SNX24: variants seen among roughly 807,000 people sequenced by gnomAD.
The protein encoded by SNX24 is sorting nexin 24, also known as sorting nexin-24.
A neutral mutation model predicts 28.7 loss-of-function variants in SNX24; 22 were observed. The observed-to-expected ratio is 0.77, with a 90% CI of 0.55 to 1.10. The LOEUF is 1.10. Ranked by LOEUF, SNX24 falls within the 50% of genes least tolerant of loss-of-function variation. The pLI is 0.00. For synonymous variants in SNX24, 69 were observed against 71.5 expected (o/e 0.96, Z 0.18); for missense variants, 221 against 201.1 (o/e 1.10, Z -0.60).
chr5:122,919,641 CAT>C, intron 1 of SNX24, among the ~76,000 whole-genome samples: 1 of 151,740 alleles, frequency 6.6e-6, no homozygotes, highest in South Asian at 2.1e-4. Context: ...GGATTTTTTA[CAT>C]GTTAGGAAAA....
chr5:122,885,370 C>T (rs1756659331), intron 1 of SNX24, among the ~76,000 whole-genome samples: 2 of 152,214 alleles, frequency 1.3e-5, no homozygotes, highest in African/African-American at 2.4e-5. Context: ...TTCAATGCCC[C>T]AGGCCCCTCC....
intron 2 of SNX24, among the ~76,000 whole-genome samples, chr5:122,938,456 T>A (rs1331153371): frequency 1.3e-5 from 2 of 152,220 alleles, no homozygotes; most frequent in Non-Finnish European, 2.9e-5. Flanking sequence ...TTTTGAATAT[T>A]GTTGGCAGCC....
At chr5:122,847,682 C>T (rs1303140760) in intron 1 of SNX24, among the ~76,000 whole-genome samples, 2 of 151,912 alleles carry the variant, frequency 1.3e-5, no homozygotes, top group African/African-American at 4.8e-5. Flanking sequence ...TTTGTAGAGA[C>T]AGGGTTTCTC....
rs536983736 is a variant in SNX24 at position 122,912,682 on chromosome 5, T to C, written c.61-24052T>C. On this transcript the variant is annotated intron_variant, in intron 1 of 6. Transcript: ENST00000261369. ...TATTGAGAGGTTTTAGCATGAAGCGTTGTTGAATTTTGTCAAAGGCCTTTT... is the reference window on the plus strand; with the variant it reads ...TATTGAGAGGTTTTAGCATGAAGCGCTGTTGAATTTTGTCAAAGGCCTTTT... 1.7e-4 allele frequency among the ~76,000 whole-genome samples: 26 copies of C among 152,094 alleles called. No homozygotes were observed. The South Asian group carries it at 4.8e-3, about 28-fold the overall frequency.
chr5:123,017,676 G>A (rs994100311), intron 5 of SNX24, among the ~76,000 whole-genome samples: 1 of 152,024 alleles, frequency 6.6e-6, no homozygotes, highest in Non-Finnish European at 1.5e-5. Flanking sequence ...TGAATTGTAG[G>A]GGGTGGGTCT....
chr5:123,025,889 G>A (rs758752556), intron 5 of SNX24: 1 of 1,614,020 alleles, frequency 6.2e-7, no homozygotes, highest in Non-Finnish European at 8.5e-7. Context: ...GCCCAGCGTT[G>A]GCCATGCTGA....
chr5:122,970,706 G>A (rs999195553), intron 3 of SNX24, among the ~76,000 whole-genome samples: 3 of 152,166 alleles, frequency 2.0e-5, no homozygotes, highest in Non-Finnish European at 2.9e-5. Context: ...CTGACCTCGT[G>A]ATCCGCCCGT....
intron 5 of SNX24, among the ~76,000 whole-genome samples, chr5:123,025,393 T>A (rs1406193656): frequency 2.6e-5 from 4 of 152,230 alleles, no homozygotes; most frequent in Admixed American, 6.5e-5. Context: ...ATAAATGAAG[T>A]CATATAGTAT....
chr5:122,933,177 G>C (rs924582972), intron 1 of SNX24, among the ~76,000 whole-genome samples: 3 of 152,170 alleles, frequency 2.0e-5, no homozygotes, highest in Admixed American at 1.3e-4. Context: ...TTTTAATCTA[G>C]TTCATTTTCC....
chr5:123,018,344 C>T (rs758025529), intron 5 of SNX24, among the ~76,000 whole-genome samples: 5 of 152,002 alleles, frequency 3.3e-5, no homozygotes, highest in African/African-American at 4.8e-5. Context: ...GCAGAGGCAC[C>T]GGAAGCAGGC....
chr5:122,938,939 C>CA (rs1033177759), intron 2 of SNX24, among the ~76,000 whole-genome samples: 117 of 1,440 alleles, frequency 0.081, 43 homozygotes, highest in Non-Finnish European at 0.098. Flanking sequence ...GACTCCGTCT[C>CA]AAAAAAAAAA....
At chr5:123,002,219 A>C in intron 6 of SNX24, 2 of 572,850 alleles carry the variant, frequency 3.5e-6, no homozygotes, top group East Asian at 5.6e-5. Flanking sequence ...TTACCAGACT[A>C]TTTTGAATTA....
intron 1 of SNX24, among the ~76,000 whole-genome samples, chr5:122,930,444 A>G (rs1758901047): frequency 2.0e-5 from 3 of 152,328 alleles, no homozygotes; most frequent in Admixed American, 6.5e-5. Flanking sequence ...GGCAATTAGC[A>G]TGTCAGAGAA....
chr5:122,982,725 G>A (rs1278121041), intron 3 of SNX24, among the ~76,000 whole-genome samples: 1 of 152,072 alleles, frequency 6.6e-6, no homozygotes, highest in East Asian at 1.9e-4. Flanking sequence ...AAAGGGGGAG[G>A]GGTTTGCTTT....
At chr5:122,856,542 T>C (rs1030252743) in intron 1 of SNX24, among the ~76,000 whole-genome samples, 2 of 151,622 alleles carry the variant, frequency 1.3e-5, no homozygotes, top group Non-Finnish European at 2.9e-5. Context: ...TTTTTTTTTT[T>C]TGAGGCAGAG....
intron 5 of SNX24, among the ~76,000 whole-genome samples, chr5:123,001,729 T>G (rs381007): frequency 3.2e-4 from 49 of 152,216 alleles, no homozygotes; most frequent in Non-Finnish European, 7.1e-4. Context: ...GATTGTATAT[T>G]TGCTTCAAAT....
chr5:122,865,909 G>A (rs1755699161), intron 1 of SNX24, among the ~76,000 whole-genome samples: 1 of 152,116 alleles, frequency 6.6e-6, no homozygotes, highest in South Asian at 2.1e-4. Flanking sequence ...CTTGAGTGAT[G>A]TTTACTCTTC....
intron 5 of SNX24, among the ~76,000 whole-genome samples, chr5:123,020,909 T>C (rs1329852182): frequency 1.3e-5 from 2 of 152,214 alleles, no homozygotes; most frequent in East Asian, 3.9e-4. Flanking sequence ...TTCACATGAC[T>C]GAGGTCCAGC....
chr5:122,965,172 A>G (rs1284669770), intron 3 of SNX24, among the ~76,000 whole-genome samples: 1 of 152,254 alleles, frequency 6.6e-6, no homozygotes, highest in Non-Finnish European at 1.5e-5. Flanking sequence ...CTTAGTTCAT[A>G]TAAATTCCCA....
Sources: gnomAD v4.1 joint callset for allele counts (sites outside exome capture counted in the v4.1 genomes callset) on GRCh38, gnomAD v4.1.1 for gene constraint, MANE v1.5 for transcripts, NCBI Gene and HGNC (gene_info 2026-07-23, HGNC 2026-07-21) for gene names.